The following TBC1D2B variants were observed in gnomAD, a reference collection of about 807,000 sequenced individuals.
TBC1D2B encodes the protein TBC1 domain family, member 2B.
TBC1D2B carries 64 observed loss-of-function variants against 100.8 expected under a neutral mutation model. The ratio of observed to expected loss-of-function variants is 0.64; its 90% CI spans 0.52 to 0.78. The LOEUF (loss-of-function observed/expected upper bound fraction) is 0.78, where lower values mean the gene tolerates loss of function less well. Ranked by LOEUF, TBC1D2B falls within the 30% of genes least tolerant of loss-of-function variation. The pLI is 0.00. For synonymous variants in TBC1D2B, 480 were observed against 479.7 expected (o/e 1.00, Z -0.01); for missense variants, 1,052 against 1,218.4 (o/e 0.86, Z 2.03).
intron 12 of TBC1D2B, chr15:77,999,348 C>A: frequency 2.2e-6 from 1 of 452,122 alleles, no homozygotes; most frequent in Non-Finnish European, 4.5e-6. Flanking sequence ...ACAAGGCACA[C>A]ACGAGGGTGC....
At chr15:78,068,837 T>A (rs547587581) in intron 1 of TBC1D2B, among the ~76,000 whole-genome samples, 1 of 152,342 alleles carries the variant, frequency 6.6e-6, no homozygotes, top group East Asian at 1.9e-4. Flanking sequence ...CACATTGCAT[T>A]CACTCTGTGA....
chr15:78,066,502 C>T (rs2141838420), intron 1 of TBC1D2B, among the ~76,000 whole-genome samples: 2 of 152,274 alleles, frequency 1.3e-5, no homozygotes, highest in African/African-American at 4.8e-5. Flanking sequence ...TCCTGAGGCC[C>T]ACTCTGGCCT....
intron 1 of TBC1D2B, among the ~76,000 whole-genome samples, chr15:78,074,638 CAACCACTACCTGGA>C (rs2073798919): frequency 6.6e-6 from 1 of 152,160 alleles, no homozygotes; most frequent in South Asian, 2.1e-4. Context: ...CCATCACAGG[CAACCACTACCTGGA>C]AACCAGAGCT....
chr15:78,015,014 A>G (rs2072332829), intron 8 of TBC1D2B, among the ~76,000 whole-genome samples: 1 of 152,188 alleles, frequency 6.6e-6, no homozygotes, highest in African/African-American at 2.4e-5. Context: ...ATCCTGGCTA[A>G]CACGGTGAAA....
At chr15:78,034,603 G>C (rs1179980174) in intron 3 of TBC1D2B, 1 of 984,504 alleles carries the variant, frequency 1.0e-6, no homozygotes, top group East Asian at 1.1e-4. Context: ...CAGTGACTTA[G>C]AACTGCCACA....
At chr15:78,047,126 G>T (rs114954825) in intron 2 of TBC1D2B, among the ~76,000 whole-genome samples, 3,956 of 151,824 alleles carry the variant, frequency 0.026, 61 homozygotes, top group Non-Finnish European at 0.029. Context: ...GGTGTGCTGG[G>T]AACAGAAGAA....
intron 5 of TBC1D2B, 25 bp from the exon 6 acceptor site, chr15:78,024,564 T>C (rs1404689699): frequency 6.3e-7 from 1 of 1,584,866 alleles, no homozygotes; most frequent in Non-Finnish European, 8.6e-7. Flanking sequence ...GAGAATGGAG[T>C]GAAGGGTGAA....
chr15:78,049,716 G>A (rs1388705569), intron 2 of TBC1D2B, among the ~76,000 whole-genome samples: 1 of 151,970 alleles, frequency 6.6e-6, no homozygotes. Context: ...TTGCAAGCCT[G>A]TTCCACATAG....
At chr15:78,073,931 T>G (rs943349622) in intron 1 of TBC1D2B, among the ~76,000 whole-genome samples, 1 of 150,730 alleles carries the variant, frequency 6.6e-6, no homozygotes, top group Admixed American at 6.6e-5. Context: ...ACTGTGCCAC[T>G]GCACTCCAGC....
At chr15:78,041,287 T>C (rs1246459589) in intron 3 of TBC1D2B, among the ~76,000 whole-genome samples, 1 of 152,234 alleles carries the variant, frequency 6.6e-6, no homozygotes, top group Non-Finnish European at 1.5e-5. Flanking sequence ...ATTACAATAA[T>C]AAGTACAACG....
intron 3 of TBC1D2B, among the ~76,000 whole-genome samples, chr15:78,037,208 T>C (rs2072964607): frequency 6.6e-6 from 1 of 152,078 alleles, no homozygotes; most frequent in Non-Finnish European, 1.5e-5. Flanking sequence ...GCTCCTCTTC[T>C]ATCCTCACCC....
At chr15:78,074,131 C>T (rs2073788214) in intron 1 of TBC1D2B, among the ~76,000 whole-genome samples, 1 of 150,838 alleles carries the variant, frequency 6.6e-6, no homozygotes, top group South Asian at 2.1e-4. Context: ...TCATGCAATT[C>T]TCCTGCCTCA....
chr15:78,005,348 TGGAAAA>T (rs2072037794), intron 10 of TBC1D2B, among the ~76,000 whole-genome samples: 1 of 152,084 alleles, frequency 6.6e-6, no homozygotes, highest in Non-Finnish European at 1.5e-5. Context: ...ATGGAATGAA[TGGAAAA>T]GCTGACAAGC....
At chr15:78,007,318 G>C (rs942982285) in intron 10 of TBC1D2B, among the ~76,000 whole-genome samples, 1 of 152,236 alleles carries the variant, frequency 6.6e-6, no homozygotes, top group Non-Finnish European at 1.5e-5. Context: ...CTGTGGGTGA[G>C]TGGCAGCAGG....
chr15:78,032,417 A>T (rs76453876), intron 3 of TBC1D2B, among the ~76,000 whole-genome samples: 4,107 of 150,362 alleles, frequency 0.027, 74 homozygotes, highest in Non-Finnish European at 0.031. Context: ...CAATAAAAAA[A>T]ATATATATAT....
chr15:78,020,097 G>A (rs1302328492), intron 6 of TBC1D2B, among the ~76,000 whole-genome samples: 2 of 152,104 alleles, frequency 1.3e-5, no homozygotes, highest in African/African-American at 4.8e-5. Flanking sequence ...TGCCCAGGCT[G>A]GTCTCAAACT....
At chr15:78,037,941 C>A (rs1233247175) in intron 3 of TBC1D2B, among the ~76,000 whole-genome samples, 1 of 152,038 alleles carries the variant, frequency 6.6e-6, no homozygotes, top group African/African-American at 2.4e-5. Context: ...AAGGTAACAT[C>A]CTGCCCAGGA....
chr15:78,049,977 C>T (rs1256858805), intron 2 of TBC1D2B, among the ~76,000 whole-genome samples: 1 of 152,204 alleles, frequency 6.6e-6, no homozygotes. Flanking sequence ...CACAAGAACG[C>T]ATGGTATTTT....
At chr15:78,008,808 C>T (rs181338849) in intron 10 of TBC1D2B, among the ~76,000 whole-genome samples, 189 bp downstream of exon 10, 1 of 152,176 alleles carries the variant, frequency 6.6e-6, no homozygotes, top group Non-Finnish European at 1.5e-5. Context: ...GAGCCCAACT[C>T]GGCCTCAGTC....
Sources: allele counts gnomAD v4.1 joint callset (sites outside exome capture counted in the v4.1 genomes callset), GRCh38; gene constraint gnomAD v4.1.1; transcripts MANE v1.5; gene names NCBI Gene and HGNC (gene_info 2026-07-23, HGNC 2026-07-21).